ERCC6L2: variants seen among roughly 807,000 people sequenced by gnomAD.
ERCC6L2 encodes the protein DNA excision repair protein ERCC-6-like 2.
Under a neutral mutation model 132.0 loss-of-function variants are expected in ERCC6L2, and 77 were observed. The observed-to-expected ratio is 0.58, with a 90% CI of 0.49 to 0.71. ERCC6L2 has a LOEUF of 0.71. Ranked by LOEUF, ERCC6L2 falls within the 30% of genes least tolerant of loss-of-function variation. The pLI, the probability that ERCC6L2 is intolerant of heterozygous loss-of-function variation, is 0.00. For missense variants in ERCC6L2, 1,542 were observed against 1,837.6 expected, an observed-to-expected ratio of 0.84 and a Z score of 2.94; for synonymous variants, 583 against 632.4, an observed-to-expected ratio of 0.92 and a Z score of 1.17.
At chr9:95,996,863 G>C (rs920350899) in intron 17 of ERCC6L2, among the ~76,000 whole-genome samples, 1 of 152,236 alleles carries the variant, frequency 6.6e-6, no homozygotes, top group Non-Finnish European at 1.5e-5. Context: ...AATGAATGTT[G>C]TTTTCATGTC....
intron 17 of ERCC6L2, 65 bp downstream of exon 17, chr9:95,978,280 G>A (rs1042063474): frequency 9.0e-7 from 1 of 1,107,204 alleles, no homozygotes; most frequent in African/African-American, 1.6e-5. Context: ...TACTCAATAG[G>A]ATCTTCTCTA....
chr9:95,881,760 A>G (rs1827609048), intron 2 of ERCC6L2, among the ~76,000 whole-genome samples: 1 of 152,248 alleles, frequency 6.6e-6, no homozygotes. Flanking sequence ...TGTGAACTTC[A>G]GAGAGACTTC....
intron 12 of ERCC6L2, among the ~76,000 whole-genome samples, chr9:95,952,879 T>C (rs927933397): frequency 1.3e-5 from 2 of 152,076 alleles, no homozygotes; most frequent in African/African-American, 4.8e-5. Context: ...TATAAGGTCA[T>C]TTATGAAAAA....
chr9:95,923,719 T>C (rs1339621642), intron 9 of ERCC6L2, among the ~76,000 whole-genome samples: 1 of 152,116 alleles, frequency 6.6e-6, no homozygotes, highest in Non-Finnish European at 1.5e-5. Flanking sequence ...ACCAGAAATA[T>C]AAAAGCTAAT....
intron 18 of ERCC6L2, among the ~76,000 whole-genome samples, chr9:96,011,503 T>C (rs1016633766): frequency 2.0e-4 from 31 of 152,222 alleles, no homozygotes; most frequent in African/African-American, 7.0e-4. Context: ...CAGGGCTCAT[T>C]GCCCAGGTCC....
At chr9:95,887,047 C>T (rs866879678) in intron 2 of ERCC6L2, among the ~76,000 whole-genome samples, 14 of 152,186 alleles carry the variant, frequency 9.2e-5, no homozygotes, top group Admixed American at 3.9e-4. Context: ...ACTTCGTGAT[C>T]GTGTGAGATA....
intron 12 of ERCC6L2, among the ~76,000 whole-genome samples, chr9:95,941,767 G>T (rs956165670): frequency 6.6e-6 from 1 of 152,032 alleles, no homozygotes; most frequent in South Asian, 2.1e-4. Context: ...TGACAGAAAT[G>T]ACTTAAGAAG....
chr9:95,876,146 T>TC, intron 1 of ERCC6L2, 62 bp downstream of exon 1: 1 of 1,474,272 alleles, frequency 6.8e-7, no homozygotes, highest in Non-Finnish European at 9.2e-7. Context: ...TTGGACCAGT[T>TC]CTTGCCGGTG....
Position 95,880,850 on chromosome 9 carries a change from A to G in ERCC6L2, c.47-19A>G. The G allele has an allele frequency of 6.4e-7, 1 of 1,570,586 alleles. No individual in the cohort carries two copies. The highest frequency in any genetic ancestry group is 8.6e-7 in the Non-Finnish European group (1 of 1,162,430). On this transcript the variant is annotated intron_variant, in intron 1 of 18. Coordinates refer to ENST00000653738, the MANE Select transcript of ERCC6L2 (RefSeq NM_020207.7). Reference sequence around the variant, plus strand: ...TTTATAAGCTAGCTTTGGAAACTTTATTTTCTTTATTCTTGCAGACATATG... The same window carrying G: ...TTTATAAGCTAGCTTTGGAAACTTTGTTTTCTTTATTCTTGCAGACATATG...
intron 12 of ERCC6L2, among the ~76,000 whole-genome samples, chr9:95,950,128 T>C (rs945301061): frequency 9.2e-5 from 14 of 152,176 alleles, no homozygotes; most frequent in East Asian, 3.9e-4. Context: ...GTAAGTATCA[T>C]GGACAAATAT....
chr9:96,021,391 G>T (rs1022233134), downstream of ERCC6L2: 2 of 287,680 alleles, frequency 7.0e-6, no homozygotes, highest in Non-Finnish European at 1.3e-5. The surrounding 1 kb of genome is among the most constrained non-coding windows in gnomAD (Gnocchi z 4.7). Flanking sequence ...TCCCTCCCGG[G>T]CAGGGAGCGA....
intron 2 of ERCC6L2, among the ~76,000 whole-genome samples, chr9:95,890,050 A>G (rs779060820): frequency 2.0e-4 from 31 of 152,050 alleles, no homozygotes; most frequent in Non-Finnish European, 8.8e-5. Flanking sequence ...TTTTTTCTCA[A>G]CCATGCTCCT....
At chr9:95,987,804 C>A (rs910404660) in intron 17 of ERCC6L2, among the ~76,000 whole-genome samples, 1 of 152,234 alleles carries the variant, frequency 6.6e-6, no homozygotes, top group Admixed American at 6.5e-5. Context: ...TTCTGCACTG[C>A]CCTAGCAGAG....
intron 19 of ERCC6L2, among the ~76,000 whole-genome samples, chr9:96,028,179 GAA>G (rs377524118): frequency 7.1e-6 from 1 of 141,416 alleles, no homozygotes; most frequent in South Asian, 2.2e-4. Context: ...CTATTTTCCA[GAA>G]AAAAAAAAAA....
intron 13 of ERCC6L2, among the ~76,000 whole-genome samples, chr9:95,964,061 A>G (rs684455): frequency 0.27 from 40,685 of 152,052 alleles, 5,967 homozygotes; most frequent in East Asian, 0.4. Flanking sequence ...ACCTGCACGC[A>G]TAACCCTTAG....
At chr9:95,928,594 C>G in intron 10 of ERCC6L2, 125 bp from the exon 11 acceptor site, 2 of 845,474 alleles carry the variant, frequency 2.4e-6, no homozygotes, top group East Asian at 5.8e-5. Flanking sequence ...ATTTATTGTT[C>G]TTGGAATTAT....
At position 95,972,990 on chromosome 9, in the gene ERCC6L2, A is replaced by G. The variant is rs1403689801; in HGVS notation, c.3239A>G (p.Lys1080Arg). 1 of 1,351,898 alleles carries G rather than the reference A, an allele frequency of 7.4e-7. No individual in the cohort carries two copies. Among genetic ancestry groups the G allele is most frequent in the South Asian group, 1.2e-5 (1 of 85,128 alleles). 83.7% of individuals were successfully genotyped at this position (1,351,898 alleles called of 1,614,324 possible). Residue 1080 changes from lysine (K) to arginine (R), a missense_variant, in exon 16 of 19, where the codon AAG becomes AGG. Transcript: ENST00000653738. ...SFSSKLPSHN[K>R]KNSTFIPRKP... ...TCTTCAAAATTGCCTAGCCATAATA[A>G]GAAAAATAGCACTTTTATTCCAAGA...
chr9:95,894,238 G>A lies in ERCC6L2; in HGVS notation c.472-3611G>A, dbSNP rs76481961. ...TGATTGTATGGGTACTTGATTTACA[G>A]TTATACTGAATGTGTATTATTTTTA... On this transcript the variant is annotated intron_variant, in intron 2 of 18. Transcript: ENST00000653738. 3.6e-3 allele frequency among the ~76,000 whole-genome samples: 552 copies of A among 152,210 alleles called. 6 individuals are homozygous for A. Among genetic ancestry groups the A allele is most frequent in the African/African-American group, 0.013 (528 of 41,560 alleles).
At chr9:95,969,814 C>T (rs544617885) in intron 14 of ERCC6L2, among the ~76,000 whole-genome samples, 69 of 152,274 alleles carry the variant, frequency 4.5e-4, no homozygotes, top group Admixed American at 2.0e-4. Flanking sequence ...GCTGGAACCA[C>T]GCCATTAGTG....
Sources: gnomAD v4.1 joint callset for allele counts (sites outside exome capture counted in the v4.1 genomes callset) on GRCh38, gnomAD v4.1.1 for gene constraint, Gnocchi (gnomAD v3.1) non-coding constraint, MANE v1.5 for transcripts, NCBI Gene and HGNC (gene_info 2026-07-23, HGNC 2026-07-21) for gene names.